The following FGGY variants were observed in gnomAD, a reference collection of about 807,000 sequenced individuals.
FGGY encodes the protein FGGY carbohydrate kinase domain-containing protein.
A neutral mutation model predicts 71.3 loss-of-function variants in FGGY; 72 were observed. That is an observed-to-expected ratio of 1.01 (90% CI 0.84 to 1.23). The LOEUF (loss-of-function observed/expected upper bound fraction) is 1.23, where lower values mean the gene tolerates loss of function less well. FGGY is among the 50% of genes most tolerant of loss of function. FGGY has a pLI of 0.00. For missense variants in FGGY, 668 were observed against 682.3 expected (o/e 0.98, Z 0.23); for synonymous variants, 251 against 250.3 (o/e 1.00, Z -0.02).
chr1:59,482,474 T>TTA (rs1003518175), intron 6 of FGGY, among the ~76,000 whole-genome samples: 4 of 151,806 alleles, frequency 2.6e-5, no homozygotes, highest in Admixed American at 1.3e-4. Context: ...GGCTGCATAT[T>TTA]TATATATATA....
At chr1:59,665,199 G>A (rs1261183130) in intron 12 of FGGY, among the ~76,000 whole-genome samples, 1 of 152,068 alleles carries the variant, frequency 6.6e-6, no homozygotes, top group Non-Finnish European at 1.5e-5. Flanking sequence ...AGGTCAGTAG[G>A]TTTTGGCATA....
chr1:59,350,351 C>T (rs1051482723), intron 4 of FGGY, among the ~76,000 whole-genome samples: 1 of 152,062 alleles, frequency 6.6e-6, no homozygotes, highest in Non-Finnish European at 1.5e-5. Flanking sequence ...GAAAACAGAG[C>T]CATCAAATGT....
chr1:59,385,205 C>T (rs773811317), intron 5 of FGGY, among the ~76,000 whole-genome samples: 2 of 151,844 alleles, frequency 1.3e-5, no homozygotes, highest in Non-Finnish European at 2.9e-5. Context: ...TTTTTTTACC[C>T]ATTCTCCCCT....
At chr1:59,701,994 T>C (rs183886690) in intron 14 of FGGY, among the ~76,000 whole-genome samples, 1 of 152,012 alleles carries the variant, frequency 6.6e-6, no homozygotes, top group East Asian at 1.9e-4. Context: ...CAAAAAAAGG[T>C]TTAACTGACT....
At chr1:59,313,321 CATTAGACTGTCAGTTTGTTAAA>C (rs2044723322) in intron 1 of FGGY, among the ~76,000 whole-genome samples, 1 of 152,152 alleles carries the variant, frequency 6.6e-6, no homozygotes, top group Non-Finnish European at 1.5e-5. Flanking sequence ...CAGACCATAA[CATTAGACTGTCAGTTTGTTAAA>C]ATTAGAGATA....
chr1:59,397,280 C>T (rs372234619), intron 5 of FGGY, among the ~76,000 whole-genome samples: 22 of 152,116 alleles, frequency 1.4e-4, no homozygotes, highest in Non-Finnish European at 2.1e-4. Flanking sequence ...TTCCATTCCA[C>T]GGCTACCAGG....
chr1:59,635,067 G>A (rs192156472), intron 10 of FGGY, among the ~76,000 whole-genome samples: 139 of 152,254 alleles, frequency 9.1e-4, no homozygotes, highest in Non-Finnish European at 4.7e-4. Flanking sequence ...CTAGAAGAAG[G>A]CAGGCTGCCA....
At chr1:59,353,353 G>A (rs185865703) in intron 4 of FGGY, among the ~76,000 whole-genome samples, 166 of 152,228 alleles carry the variant, frequency 1.1e-3, no homozygotes, top group Middle Eastern at 3.4e-3. Flanking sequence ...TAATTTTAAA[G>A]ACTAAAATAT....
At chr1:59,431,292 A>G (rs762253230) in intron 5 of FGGY, among the ~76,000 whole-genome samples, 2 of 152,236 alleles carry the variant, frequency 1.3e-5, no homozygotes, top group Non-Finnish European at 2.9e-5. Flanking sequence ...ACTTCCTAGT[A>G]TAAGGAATAT....
intron 5 of FGGY, among the ~76,000 whole-genome samples, chr1:59,404,205 C>T (rs904966296): frequency 5.3e-5 from 8 of 151,736 alleles, no homozygotes; most frequent in South Asian, 4.2e-4. Context: ...TGGAGCCTGT[C>T]GGGGGGCGGG....
At chr1:59,332,821 A>C (rs997563928) in intron 2 of FGGY, among the ~76,000 whole-genome samples, 1 of 151,826 alleles carries the variant, frequency 6.6e-6, no homozygotes, top group East Asian at 1.9e-4. Flanking sequence ...TTCTATTCCT[A>C]CTCTTTTTGC....
At chr1:59,318,935 G>C (rs2045923700) in intron 1 of FGGY, among the ~76,000 whole-genome samples, 1 of 152,236 alleles carries the variant, frequency 6.6e-6, no homozygotes, top group Non-Finnish European at 1.5e-5. Context: ...GAGGTTGGTA[G>C]AGGGAAGGTA....
intron 11 of FGGY, among the ~76,000 whole-genome samples, chr1:59,643,146 G>T (rs946168858): frequency 6.6e-6 from 1 of 151,856 alleles, no homozygotes; most frequent in African/African-American, 2.4e-5. Flanking sequence ...AAAAGAAAAT[G>T]TTAGAGAACT....
intron 7 of FGGY, among the ~76,000 whole-genome samples, chr1:59,527,783 A>G (rs141854250): frequency 2.9e-4 from 44 of 152,354 alleles, no homozygotes; most frequent in African/African-American, 1.1e-3. Context: ...ACATGAGAAA[A>G]TAGGTTATTT....
chr1:59,405,888 A>T (rs2062658648), intron 5 of FGGY, among the ~76,000 whole-genome samples: 2 of 150,994 alleles, frequency 1.3e-5, no homozygotes, highest in Non-Finnish European at 2.9e-5. Context: ...AGGCTAAATT[A>T]TTCTACTTCT....
intron 9 of FGGY, among the ~76,000 whole-genome samples, chr1:59,614,755 A>G (rs1041176607): frequency 3.3e-5 from 5 of 152,096 alleles, no homozygotes; most frequent in African/African-American, 7.2e-5. Context: ...AAACCCCATC[A>G]TCTCAGCCCA....
At chr1:59,317,448 T>G (rs144949488) in intron 1 of FGGY, among the ~76,000 whole-genome samples, 1 of 152,344 alleles carries the variant, frequency 6.6e-6, no homozygotes, top group East Asian at 1.9e-4. Context: ...ACGATGATGA[T>G]CCTTATCCTT....
chr1:59,688,420 TCTTTTTGTC>T (rs2097562528), intron 14 of FGGY, among the ~76,000 whole-genome samples: 1 of 152,230 alleles, frequency 6.6e-6, no homozygotes, highest in South Asian at 2.1e-4. Context: ...AGTTTTCTAA[TCTTTTTGTC>T]AGTTTCAAAG....
chr1:59,350,089 C>G (rs1335863758), intron 4 of FGGY, among the ~76,000 whole-genome samples: 1 of 152,158 alleles, frequency 6.6e-6, no homozygotes, highest in Non-Finnish European at 1.5e-5. Context: ...TTCAGTAGAG[C>G]TGCTCAAGTG....
Sources: allele counts gnomAD v4.1 joint callset (sites outside exome capture counted in the v4.1 genomes callset), GRCh38; gene constraint gnomAD v4.1.1; transcripts MANE v1.5; gene names NCBI Gene and HGNC (gene_info 2026-07-23, HGNC 2026-07-21).